The following MICOS13 variants were observed in gnomAD, a reference collection of about 807,000 sequenced individuals.
MICOS13 encodes the protein MICOS complex subunit MIC13.
Under a neutral mutation model 16.1 loss-of-function variants are expected in MICOS13, and 15 were observed. That is an observed-to-expected ratio of 0.93 (90% CI 0.62 to 1.44). The LOEUF (loss-of-function observed/expected upper bound fraction) is 1.44. MICOS13 is among the 40% of genes most tolerant of loss of function. The probability of loss-of-function intolerance (pLI) is 0.00; values close to 1 mark genes in which losing one functional copy is unlikely to be tolerated. For missense variants in MICOS13, 164 were observed against 155.0 expected, an observed-to-expected ratio of 1.06 and a Z score of -0.31; for synonymous variants, 61 against 62.6, an observed-to-expected ratio of 0.97 and a Z score of 0.12.
Position 5,678,652 on chromosome 19 carries a change from T to G in MICOS13, c.260-4A>C, listed in dbSNP as rs1418373031. 17 of 1,497,528 alleles carry G rather than the reference T, an allele frequency of 1.1e-5. No individual in the cohort carries two copies. Among genetic ancestry groups the G allele is most frequent in the Non-Finnish European group, 1.5e-5 (17 of 1,117,748 alleles). The allele number at this position is 1,497,528 out of a possible 1,614,324, so 92.8% of individuals were successfully genotyped here. Reference sequence around the variant, plus strand: ...GCTGACATCACCGTCATGATGCCTGTGGGAAAGGGACGGCCACTGGTGATA... The same window carrying G: ...GCTGACATCACCGTCATGATGCCTGGGGGAAAGGGACGGCCACTGGTGATA... On this transcript the variant is annotated splice_region_variant and splice_polypyrimidine_tract_variant and intron_variant, in intron 3 of 3. Transcript: ENST00000309324.
At position 5,679,691 on chromosome 19, in the gene MICOS13, G is replaced by A. The variant is rs1272813889; in HGVS notation, c.102C>T (p.Ser34=). The A allele has an allele frequency of 6.2e-7, 1 of 1,609,974 alleles. No homozygotes were observed. Among genetic ancestry groups the A allele is most frequent in the South Asian group, 1.1e-5 (1 of 90,880 alleles). The part of the protein sequence containing the change: ...LVYDQELLGP[S]DKSQAALQKA... ...TCTGTAGGGCTGCCTGGCTCTTGTCGCTGGGCCCCAGCAGCTCCTGGTCGT... is the reference window on the plus strand; with the variant it reads ...TCTGTAGGGCTGCCTGGCTCTTGTCACTGGGCCCCAGCAGCTCCTGGTCGT... The change falls in exon 2 of 4, where the codon AGC becomes AGT. Residue 34 remains serine (S), a synonymous_variant. Transcript: ENST00000309324.
intron 1 of MICOS13, chr19:5,680,029 G>A: frequency 2.0e-6 from 3 of 1,512,216 alleles, no homozygotes; most frequent in East Asian, 2.5e-5. Flanking sequence ...CAGTGAGCAG[G>A]GGCAGTGAAG....
Position 5,679,763 on chromosome 19 carries a change from C to G in MICOS13, c.30G>C (p.Arg10Ser). MVARVWSLM[R>S]FLIKGSVAGG... The stretch of plus-strand genomic sequence containing the variant: ...CAGCCACACTTCCCTTGATGAGGAA[C>G]CTGCGGGCAGGGACGGGAGGAGCAG... Residue 10 changes from arginine to serine, a missense_variant and splice_region_variant, in exon 2 of 4, where the codon AGG (arginine) becomes AGC (serine). Arg to Ser is a moderately radical substitution (Grantham distance 110). Transcript: ENST00000309324. The G allele has an allele frequency of 1.9e-6, 3 of 1,599,260 alleles. No individual in the cohort carries two copies. Among genetic ancestry groups the G allele is most frequent in the Non-Finnish European group, 2.6e-6 (3 of 1,175,344 alleles).
chr19:5,678,540 CT>C lies in MICOS13; in HGVS notation c.*10del. On this transcript the variant is annotated 3_prime_UTR_variant, in exon 4 of 4. Coordinates refer to ENST00000309324, the MANE Select transcript of MICOS13 (RefSeq NM_205767.3). Reference sequence around the variant, plus strand: ...CCGTTCTGGCCGGGGCAGGCGGCCCCTGCTGACTCGCTACTTGGTGCGCGCC... The same window carrying C: ...CCGTTCTGGCCGGGGCAGGCGGCCCCGCTGACTCGCTACTTGGTGCGCGCC... 1 of 1,548,090 alleles carries C rather than the reference CT, an allele frequency of 6.5e-7. No individual in the cohort carries two copies. Among genetic ancestry groups the C allele is most frequent in the Non-Finnish European group, 8.7e-7 (1 of 1,146,384 alleles).
At position 5,678,607 on chromosome 19, in the gene MICOS13, T is replaced by C; in HGVS notation, c.301A>G (p.Lys101Glu). Residue 101 changes from lysine to glutamate, a missense_variant, in exon 4 of 4, where the codon AAG becomes GAG. Lys to Glu is a moderately conservative substitution (Grantham distance 56). Transcript: ENST00000309324. ...VMSALSVAPSKAREYSKEGWE... is the reference protein window; with the variant it reads ...VMSALSVAPSEAREYSKEGWE... The stretch of plus-strand genomic sequence containing the variant: ...CCCTCCTTGGAGTACTCGCGGGCCT[T>C]GGAGGGGGCCACCGACAGAGCTGAC... 1 of 1,547,218 alleles carries C rather than the reference T, an allele frequency of 6.5e-7. No homozygotes were observed. The highest frequency in any genetic ancestry group is 8.7e-7 in the Non-Finnish European group (1 of 1,145,544).
At chr19:5,679,516 T>C in intron 2 of MICOS13, 70 bp downstream of exon 2, 1 of 1,594,600 alleles carries the variant, frequency 6.3e-7, no homozygotes, top group Non-Finnish European at 8.6e-7. Flanking sequence ...GACAACATCG[T>C]GCAGGGCTGG....
chr19:5,678,479 C>A lies in MICOS13; in HGVS notation c.*72G>T. On this transcript the variant is annotated 3_prime_UTR_variant, in exon 4 of 4. Coordinates refer to ENST00000309324, the MANE Select transcript of MICOS13 (RefSeq NM_205767.3). ...CCGGGAGCTGCCCTCGGAGTGGGGT[C>A]CCAGTCCGGAGTCTTCAGGTCAGTG... The A allele has an allele frequency of 2.1e-6, 3 of 1,395,516 alleles. No homozygotes were observed. Among genetic ancestry groups the A allele is most frequent in the Non-Finnish European group, 2.0e-6 (2 of 1,017,042 alleles). The allele number at this position is 1,395,516 out of a possible 1,614,324, so 86.4% of individuals were successfully genotyped here.
At chr19:5,680,138 T>C (rs1344445062) in intron 1 of MICOS13, 4 of 1,536,112 alleles carry the variant, frequency 2.6e-6, no homozygotes, top group Non-Finnish European at 3.5e-6. Context: ...CGAGCACGCA[T>C]TCACTTCTCA....
rs564168083 is a variant in MICOS13, at chr19:5,679,945, G to A, written c.30-182C>T. On this transcript the variant is annotated intron_variant, in intron 1 of 3. Transcript: ENST00000309324. ...ACAGCACTCGTTTTACAACGTGCAAGGCAGGGCGGCTGGACGCCACTTGAA... is the reference window on the plus strand; with the variant it reads ...ACAGCACTCGTTTTACAACGTGCAAAGCAGGGCGGCTGGACGCCACTTGAA... 558 of 1,386,174 alleles carry A rather than the reference G, an allele frequency of 4.0e-4. 1 individual carries two copies. Among genetic ancestry groups the A allele is most frequent in the Middle Eastern group, 1.8e-3 (7 of 3,992 alleles). 85.9% of individuals were successfully genotyped at this position (1,386,174 alleles called of 1,614,324 possible).
intron 1 of MICOS13, 161 bp downstream of exon 1, chr19:5,680,297 C>T (rs1034656711): frequency 3.1e-6 from 5 of 1,609,452 alleles, no homozygotes; most frequent in South Asian, 1.1e-5. Context: ...AAGCCCCGCC[C>T]CTCTGAAGCC....
At chr19:5,680,424 G>T (rs762270277) in intron 1 of MICOS13, 34 bp downstream of exon 1, 9 of 1,612,910 alleles carry the variant, frequency 5.6e-6, no homozygotes, top group Non-Finnish European at 6.8e-6. Context: ...GGACTTTTTC[G>T]GGGACTCGGG....
chr19:5,678,758 C>CGGGGGGGGGGG, intron 3 of MICOS13, 110 bp from the exon 4 acceptor site: 1 of 264,242 alleles, frequency 3.8e-6, no homozygotes. Context: ...GGGTGGGGGG[C>CGGGGGGGGGGG]GGGGATGGAG....
intron 3 of MICOS13, 57 bp downstream of exon 3, chr19:5,679,288 G>A (rs1483783275): frequency 6.6e-7 from 1 of 1,516,750 alleles, no homozygotes; most frequent in Non-Finnish European, 9.1e-7. Flanking sequence ...GCCAGGAAGT[G>A]GGGAGAGGGG....
In MICOS13 at chr19:5,679,036, G is replaced by A. The variant is rs186091549; in HGVS notation, c.259+309C>T. The stretch of plus-strand genomic sequence containing the variant: ...CAATTCTCCTGCTTCAGCCTCTCAA[G>A]CAGCAGCTGGGATTACAGGTGTGCA... On this transcript the variant is annotated intron_variant, in intron 3 of 3. Transcript: ENST00000309324. 4.9e-5 allele frequency: 19 copies of A among 385,568 alleles called. No homozygotes were observed. In the East Asian group the frequency reaches 1.1e-3, roughly 22 times the overall value. The allele number at this position is 385,568 out of a possible 1,614,324, so 23.9% of individuals were successfully genotyped here.
rs747698273 is a variant in MICOS13, at chr19:5,680,144, TCTC to T, written c.29+311_29+313del. 3.3e-6 allele frequency: 5 copies of T among 1,536,118 alleles called. No homozygotes were observed. The South Asian group carries it at 3.6e-5, about 11-fold the overall frequency. On this transcript the variant is annotated intron_variant, in intron 1 of 3. Transcript: ENST00000309324. ...TCGCAGCTCCGAGCACGCATTCACT[TCTC>T]ATCCACGCCAGCGGCAGGATTCACC...
At chr19:5,680,350 G>T in intron 1 of MICOS13, 108 bp downstream of exon 1, 1 of 1,604,800 alleles carries the variant, frequency 6.2e-7, no homozygotes, top group East Asian at 2.2e-5. Context: ...CGAAGGGGAA[G>T]TGACTCTAAG....
intron 2 of MICOS13, 41 bp from the exon 3 acceptor site, chr19:5,679,437 TC>T: frequency 6.2e-7 from 1 of 1,605,522 alleles, no homozygotes; most frequent in Non-Finnish European, 8.5e-7. Context: ...GTGAAAAGGC[TC>T]AGCAGCCCAT....
chr19:5,678,663 C>G lies in MICOS13; in HGVS notation c.260-15G>C, dbSNP rs750723881. 1.3e-6 allele frequency: 2 copies of G among 1,486,920 alleles called. No homozygotes were observed. Among genetic ancestry groups the G allele is most frequent in the Non-Finnish European group, 1.8e-6 (2 of 1,110,102 alleles). 92.1% of individuals were successfully genotyped at this position (1,486,920 alleles called of 1,614,324 possible). ...CGTCATGATGCCTGTGGGAAAGGGA[C>G]GGCCACTGGTGATACTCCCCTCCCA... On this transcript the variant is annotated splice_polypyrimidine_tract_variant and intron_variant, in intron 3 of 3. Coordinates refer to ENST00000309324, the MANE Select transcript of MICOS13 (RefSeq NM_205767.3).
chr19:5,679,247 G>A (rs994831782), intron 3 of MICOS13, 98 bp downstream of exon 3: 10 of 1,288,956 alleles, frequency 7.8e-6, no homozygotes, highest in East Asian at 2.4e-5. Flanking sequence ...GACACGTGTC[G>A]GGCAGGAAGG....
Sources: allele counts gnomAD v4.1 joint callset, GRCh38; gene constraint gnomAD v4.1.1; transcripts MANE v1.5; gene names NCBI Gene and HGNC (gene_info 2026-07-23, HGNC 2026-07-21).